Variants in EHMT1 observed in about 807,000 individuals in gnomAD.
EHMT1 encodes histone-lysine N-methyltransferase EHMT1.
In EHMT1, 15 loss-of-function variants were observed where a neutral mutation model predicts 147.2. The ratio of observed to expected loss-of-function variants is 0.10; its 90% CI spans 0.07 to 0.16. The LOEUF (loss-of-function observed/expected upper bound fraction) is 0.16. Ranked by LOEUF, EHMT1 falls within the 10% of genes least tolerant of loss-of-function variation. The pLI is 1.00. For missense variants in EHMT1, 1,587 were observed against 1,772.4 expected (o/e 0.90, Z 1.88); for synonymous variants, 795 against 709.6 (o/e 1.12, Z -1.91).
chr9:137,648,472 T>G (rs1014025627), intron 1 of EHMT1, among the ~76,000 whole-genome samples: 4 of 134,254 alleles, frequency 3.0e-5, no homozygotes, highest in African/African-American at 1.2e-4. Context: ...CTGGGCAACA[T>G]AGAGAGACTC....
At chr9:137,757,845 G>A in intron 8 of EHMT1, 35 bp from the exon 9 acceptor site, 1 of 1,612,688 alleles carries the variant, frequency 6.2e-7, no homozygotes, top group Non-Finnish European at 8.5e-7. Flanking sequence ...CCGCCTGGGT[G>A]CGTGGTGTCT....
At chr9:137,825,573 C>T (rs1955754567) in intron 25 of EHMT1, among the ~76,000 whole-genome samples, 1 of 152,186 alleles carries the variant, frequency 6.6e-6, no homozygotes. Context: ...CCAGCTGACC[C>T]ATCACAGTCA....
intron 9 of EHMT1, among the ~76,000 whole-genome samples, chr9:137,760,970 G>A (rs1336742290): frequency 1.3e-5 from 2 of 152,196 alleles, no homozygotes; most frequent in Non-Finnish European, 2.9e-5. Flanking sequence ...TCGCACCACT[G>A]CACTCCAGCC....
rs968459430 is a variant in EHMT1, at chr9:137,694,509, CGTTGGTCGGCAGTCTT to C, written c.22-16450_22-16435del. On this transcript the variant is annotated intron_variant, in intron 1 of 26. Transcript: ENST00000460843. Reference sequence around the variant, plus strand: ...CTTCTTCCTGCCTGTGAGGCAGTCTCGTTGGTCGGCAGTCTTGTTGGTCAGCAACCTTGTGGTTTCT... The same window carrying C: ...CTTCTTCCTGCCTGTGAGGCAGTCTCGTTGGTCAGCAACCTTGTGGTTTCT... 4.5e-4 allele frequency among the ~76,000 whole-genome samples: 69 copies of C among 152,314 alleles called. 2 individuals are homozygous for C. The highest frequency in any genetic ancestry group is 1.5e-3 in the Admixed American group (23 of 15,302).
intron 1 of EHMT1, among the ~76,000 whole-genome samples, chr9:137,707,484 G>A (rs1047333183): frequency 2.6e-5 from 4 of 152,164 alleles, no homozygotes; most frequent in Admixed American, 6.5e-5. Flanking sequence ...GTCCCTTAAT[G>A]GAAGTGAGCA....
At chr9:137,640,842 C>G (rs1238501989) in intron 1 of EHMT1, 1 of 152,930 alleles carries the variant, frequency 6.5e-6, no homozygotes, top group African/African-American at 2.4e-5. Flanking sequence ...TTATTCTCCT[C>G]AAGGTATTTC....
At chr9:137,809,347 C>T (rs976363161) in intron 18 of EHMT1, among the ~76,000 whole-genome samples, 3 of 152,204 alleles carry the variant, frequency 2.0e-5, no homozygotes, top group South Asian at 2.1e-4. Flanking sequence ...CAGAAGAGCC[C>T]GCGTCCTTCT....
In EHMT1 at chr9:137,786,846, C is replaced by T. The variant is rs766693747; in HGVS notation, c.2383-4002C>T. 1 of 152,510 alleles carries T rather than the reference C, an allele frequency of 6.6e-6. No individual in the cohort carries two copies. The highest frequency in any genetic ancestry group is 1.5e-5 in the Non-Finnish European group (1 of 68,248). The allele number at this position is 152,510 out of a possible 1,614,324, so 9.4% of individuals were successfully genotyped here. ...CCCTGGCAGCCGACCTGGAGTCCAC[C>T]CCAGCCTTTCGCCGGTGCTGGGGAC... On this transcript the variant is annotated intron_variant, in intron 15 of 26. Coordinates refer to ENST00000460843, the MANE Select transcript of EHMT1 (RefSeq NM_024757.5). This position sits in a 1 kb window ranked among gnomAD's most constrained non-coding sequence, Gnocchi z 4.3.
intron 1 of EHMT1, among the ~76,000 whole-genome samples, chr9:137,655,121 C>G (rs1266029579): frequency 6.6e-6 from 1 of 152,124 alleles, no homozygotes; most frequent in Non-Finnish European, 1.5e-5. Flanking sequence ...GCCTCAGCCT[C>G]CCAAGTAGCT....
intron 24 of EHMT1, 116 bp downstream of exon 24, chr9:137,817,641 C>A: frequency 7.4e-7 from 1 of 1,343,624 alleles, no homozygotes; most frequent in Non-Finnish European, 1.0e-6. Flanking sequence ...CGTACAGCAG[C>A]GTGGGGTGGG....
At chr9:137,752,287 C>T (rs1166566809) in intron 6 of EHMT1, 44 bp from the exon 7 acceptor site, 1 of 1,605,762 alleles carries the variant, frequency 6.2e-7, no homozygotes, top group Non-Finnish European at 8.5e-7. Context: ...TAATTGGTTT[C>T]TGTTTTCTGT....
intron 6 of EHMT1, among the ~76,000 whole-genome samples, chr9:137,750,605 T>C (rs953401777): frequency 3.3e-5 from 5 of 152,212 alleles, no homozygotes; most frequent in Admixed American, 2.0e-4. Flanking sequence ...ATTTTCTCCA[T>C]GTTTGCCTCT....
intron 10 of EHMT1, among the ~76,000 whole-genome samples, chr9:137,773,767 G>C (rs1037375427): frequency 6.6e-6 from 1 of 152,184 alleles, no homozygotes; most frequent in African/African-American, 2.4e-5. Flanking sequence ...CGAATACGAA[G>C]AATGTCAGAG....
At chr9:137,778,111 C>G in intron 13 of EHMT1, 56 bp downstream of exon 13, 1 of 1,606,982 alleles carries the variant, frequency 6.2e-7, no homozygotes, top group Non-Finnish European at 8.5e-7. Flanking sequence ...AATCTGCACC[C>G]CGCGTTTTTC....
At chr9:137,626,717 G>A (rs1843283127) in intron 1 of EHMT1, among the ~76,000 whole-genome samples, 1 of 151,224 alleles carries the variant, frequency 6.6e-6, no homozygotes, top group Non-Finnish European at 1.5e-5. Context: ...CTGGGGGCTT[G>A]TTTATTTGTT....
chr9:137,752,507 AG>A, intron 7 of EHMT1, 99 bp downstream of exon 7: 1 of 1,396,346 alleles, frequency 7.2e-7, no homozygotes, highest in South Asian at 1.2e-5. Context: ...TTGTTGCCTG[AG>A]CGCTCACCCA....
At chr9:137,667,105 TCA>T (rs1939752032) in intron 1 of EHMT1, 1 of 151,904 alleles carries the variant, frequency 6.6e-6, no homozygotes, top group Non-Finnish European at 1.5e-5. Flanking sequence ...TGGAGGCCAC[TCA>T]GTGAGCCCGG....
intron 1 of EHMT1, among the ~76,000 whole-genome samples, chr9:137,656,346 C>T (rs1938444803): frequency 1.3e-5 from 2 of 152,136 alleles, no homozygotes; most frequent in African/African-American, 2.4e-5. Context: ...CACCATTGCA[C>T]TCCAGCCTGG....
chr9:137,750,374 T>G (rs919025676), intron 6 of EHMT1, among the ~76,000 whole-genome samples: 1 of 152,222 alleles, frequency 6.6e-6, no homozygotes, highest in Non-Finnish European at 1.5e-5. Context: ...GTAGGGATCT[T>G]TAAAAGATAA....
Sources: allele counts gnomAD v4.1 joint callset (sites outside exome capture counted in the v4.1 genomes callset), GRCh38; gene constraint gnomAD v4.1.1; non-coding constraint Gnocchi (gnomAD v3.1); transcripts MANE v1.5; gene names NCBI Gene and HGNC (gene_info 2026-07-23, HGNC 2026-07-21).